MINDY3: variants seen among roughly 807,000 people sequenced by gnomAD.
MINDY3 encodes the protein ubiquitin carboxyl-terminal hydrolase MINDY-3.
MINDY3 carries 38 observed loss-of-function variants against 69.2 expected under a neutral mutation model. That is an observed-to-expected ratio of 0.55 (90% CI 0.42 to 0.72). The LOEUF is 0.72. MINDY3 is among the 30% of genes least tolerant of loss of function. The pLI is 0.00. For missense variants in MINDY3, 522 were observed against 519.0 expected, an observed-to-expected ratio of 1.01 and a Z score of -0.06; for synonymous variants, 192 against 180.1, an observed-to-expected ratio of 1.07 and a Z score of -0.53.
At chr10:15,825,979 AAAAT>A (rs1206793836) in intron 8 of MINDY3, among the ~76,000 whole-genome samples, 11 of 152,150 alleles carry the variant, frequency 7.2e-5, no homozygotes, top group Admixed American at 3.9e-4. Context: ...TAAGCATACA[AAAAT>A]AAATAAACAA....
intron 1 of MINDY3, among the ~76,000 whole-genome samples, chr10:15,854,968 T>C (rs912641014): frequency 6.6e-6 from 1 of 152,106 alleles, no homozygotes; most frequent in Non-Finnish European, 1.5e-5. Context: ...GGGACCCTAG[T>C]GTTGTACCCA....
intron 10 of MINDY3, among the ~76,000 whole-genome samples, chr10:15,806,172 TG>T (rs2131932338): frequency 6.6e-6 from 1 of 152,264 alleles, no homozygotes; most frequent in East Asian, 1.9e-4. Flanking sequence ...ATATTCTGGC[TG>T]GGGCTGTATG....
chr10:15,788,654 A>G (rs975825333), intron 12 of MINDY3, among the ~76,000 whole-genome samples: 7 of 152,172 alleles, frequency 4.6e-5, no homozygotes, highest in Non-Finnish European at 8.8e-5. Context: ...GATAATAACT[A>G]AAGATCTTAA....
At chr10:15,849,950 A>G (rs1363568918) in intron 1 of MINDY3, among the ~76,000 whole-genome samples, 5 of 152,190 alleles carry the variant, frequency 3.3e-5, no homozygotes, top group Admixed American at 1.3e-4. Context: ...TTTTCAACCC[A>G]TGAGTGAATG....
chr10:15,850,707 T>C (rs916771915), intron 1 of MINDY3, among the ~76,000 whole-genome samples: 1 of 152,164 alleles, frequency 6.6e-6, no homozygotes, highest in African/African-American at 2.4e-5. Context: ...TGAAACTTCA[T>C]CAGCAATTCT....
chr10:15,844,470 GA>G (rs1018519087), intron 2 of MINDY3, among the ~76,000 whole-genome samples: 1 of 152,062 alleles, frequency 6.6e-6, no homozygotes, highest in Admixed American at 6.5e-5. Flanking sequence ...ATGGGTATAT[GA>G]ATGTATTTTC....
intron 10 of MINDY3, among the ~76,000 whole-genome samples, chr10:15,810,613 T>C (rs1236715885): frequency 1.3e-5 from 2 of 152,114 alleles, no homozygotes; most frequent in Non-Finnish European, 2.9e-5. Context: ...TCTCACAATT[T>C]TTTTAAGATG....
chr10:15,803,853 G>A (rs372025588), intron 10 of MINDY3, among the ~76,000 whole-genome samples: 3 of 152,016 alleles, frequency 2.0e-5, no homozygotes, highest in Non-Finnish European at 2.9e-5. Context: ...AAAACCCCAC[G>A]AATGATAATT....
At chr10:15,831,411 C>T (rs1197661218) in intron 8 of MINDY3, among the ~76,000 whole-genome samples, 1 of 152,124 alleles carries the variant, frequency 6.6e-6, no homozygotes, top group African/African-American at 2.4e-5. Flanking sequence ...TGAACATTCG[C>T]TTCAAACAAA....
intron 2 of MINDY3, among the ~76,000 whole-genome samples, chr10:15,845,494 C>T (rs187271462): frequency 1.0e-3 from 156 of 152,010 alleles, no homozygotes; most frequent in Non-Finnish European, 2.0e-3. Context: ...ACAAAGTTTA[C>T]GTGACTCTTT....
intron 9 of MINDY3, chr10:15,817,936 G>A (rs2131985473): frequency 6.6e-6 from 1 of 152,298 alleles, no homozygotes; most frequent in East Asian, 1.9e-4. Context: ...TATGATGGGA[G>A]GGATGAGTTA....
Position 15,860,280 on chromosome 10 carries a change from T to C in MINDY3, c.20A>G (p.Glu7Gly). MSELTKELMELVWGTKS... is the reference protein window; with the variant it reads MSELTKGLMELVWGTKS... ...GGTGCCCCACACCAGCTCCATCAGC[T>C]CTTTAGTCAGTTCGGACATGATGAG... Residue 7 changes from glutamate (E) to glycine (G), a missense_variant, in exon 1 of 15, where the codon GAG (glutamate) becomes GGG (glycine). Glu to Gly is a moderately conservative substitution (Grantham distance 98, BLOSUM62 -2). Coordinates refer to ENST00000277632, the MANE Select transcript of MINDY3 (RefSeq NM_024948.4). 6.2e-7 allele frequency: 1 copy of C among 1,607,864 alleles called. No individual in the cohort carries two copies. Among genetic ancestry groups the C allele is most frequent in the Non-Finnish European group, 8.5e-7 (1 of 1,177,266 alleles).
intron 2 of MINDY3, among the ~76,000 whole-genome samples, chr10:15,843,596 C>T (rs1415077268): frequency 6.6e-6 from 1 of 152,022 alleles, no homozygotes; most frequent in Non-Finnish European, 1.5e-5. Context: ...AAAGTGAAAG[C>T]CCTGTAGAAC....
intron 8 of MINDY3, among the ~76,000 whole-genome samples, chr10:15,827,024 G>GC (rs766186871): frequency 1.1e-4 from 17 of 152,004 alleles, no homozygotes; most frequent in Non-Finnish European, 1.6e-4. Context: ...AGAGACTGAG[G>GC]CAAGAGGACC....
chr10:15,791,219 T>G (rs1398626989), intron 11 of MINDY3, among the ~76,000 whole-genome samples: 2 of 152,200 alleles, frequency 1.3e-5, no homozygotes, highest in East Asian at 3.9e-4. Context: ...ATTTCAAAAT[T>G]ATTTTCCTTT....
Position 15,841,569 on chromosome 10 carries a change from G to C in MINDY3, c.266C>G (p.Thr89Ser). ...AGCACTTTCTAAAATATCACACAAG[G>C]TATGACAAAGGAGTTCCTTCTGCTC... ...EEEQKELLCHTLCDILESACC... is the reference protein window; with the variant it reads ...EEEQKELLCHSLCDILESACC... Residue 89 changes from threonine (T) to serine (S), a missense_variant, in exon 4 of 15, where the codon ACC becomes AGC. Coordinates refer to ENST00000277632, the MANE Select transcript of MINDY3 (RefSeq NM_024948.4). 1 of 1,609,614 alleles carries C rather than the reference G, an allele frequency of 6.2e-7. No homozygotes were observed. The highest frequency in any genetic ancestry group is 8.5e-7 in the Non-Finnish European group (1 of 1,177,466).
At chr10:15,815,922 T>A (rs1839325489) in intron 10 of MINDY3, among the ~76,000 whole-genome samples, 1 of 152,082 alleles carries the variant, frequency 6.6e-6, no homozygotes, top group African/African-American at 2.4e-5. Flanking sequence ...GATATACAGA[T>A]TATAGTTGAG....
At chr10:15,795,837 T>C (rs1162928946) in intron 11 of MINDY3, among the ~76,000 whole-genome samples, 1 of 152,016 alleles carries the variant, frequency 6.6e-6, no homozygotes, top group Non-Finnish European at 1.5e-5. Flanking sequence ...AGGTGGTATT[T>C]TTCCCTGTTT....
rs775826391 is a variant in MINDY3, at chr10:15,782,229, A to G, written c.1117-3T>C. 3.1e-6 allele frequency: 5 copies of G among 1,589,008 alleles called. No individual in the cohort carries two copies. Among genetic ancestry groups the G allele is most frequent in the Admixed American group, 1.7e-5 (1 of 58,452 alleles). On this transcript the variant is annotated splice_polypyrimidine_tract_variant and splice_region_variant and intron_variant, in intron 13 of 14. Coordinates refer to ENST00000277632, the MANE Select transcript of MINDY3 (RefSeq NM_024948.4). ...AAAGATTCTGGACCACTGGAGCCCT[A>G]TTATAAATAAAGGACTATTAACACT...
Sources: gnomAD v4.1 joint callset for allele counts (sites outside exome capture counted in the v4.1 genomes callset) on GRCh38, gnomAD v4.1.1 for gene constraint, MANE v1.5 for transcripts, NCBI Gene and HGNC (gene_info 2026-07-23, HGNC 2026-07-21) for gene names.